Variants in SUMF1 observed in about 807,000 individuals in gnomAD.
SUMF1 encodes sulfatase modifying factor 1.
SUMF1 carries 48 observed loss-of-function variants against 47.6 expected under a neutral mutation model. The ratio of observed to expected loss-of-function variants is 1.01; its 90% CI spans 0.80 to 1.28. SUMF1 has a LOEUF of 1.28. Among genes scored for constraint, SUMF1 ranks in the 50% most tolerant of loss-of-function variants. The probability of loss-of-function intolerance (pLI) is 0.00; values close to 1 mark genes in which losing one functional copy is unlikely to be tolerated. For missense variants in SUMF1, 571 were observed against 485.4 expected, an observed-to-expected ratio of 1.18 and a Z score of -1.66; for synonymous variants, 230 against 192.1, an observed-to-expected ratio of 1.20 and a Z score of -1.63.
intron 8 of SUMF1, among the ~76,000 whole-genome samples, chr3:4,265,184 C>A (rs1328184842): frequency 1.4e-5 from 2 of 147,830 alleles, no homozygotes; most frequent in African/African-American, 5.0e-5. Flanking sequence ...CAAATATGTT[C>A]TATGCATCTG....
chr3:4,279,800 C>T (rs936457743), intron 8 of SUMF1, among the ~76,000 whole-genome samples: 1 of 152,054 alleles, frequency 6.6e-6, no homozygotes, highest in South Asian at 2.1e-4. Flanking sequence ...ATTTAGGGAA[C>T]CCATTTCCTA....
intron 8 of SUMF1, among the ~76,000 whole-genome samples, chr3:4,278,068 C>T (rs1697455276): frequency 6.6e-6 from 1 of 152,062 alleles, no homozygotes; most frequent in South Asian, 2.1e-4. Context: ...AGTATTTTAA[C>T]ATGTTAATTG....
intron 8 of SUMF1, among the ~76,000 whole-genome samples, chr3:4,210,447 A>G (rs900403333): frequency 6.6e-6 from 1 of 152,172 alleles, no homozygotes; most frequent in Non-Finnish European, 1.5e-5. Context: ...GAACAGAATA[A>G]AGACAGCCCA....
intron 8 of SUMF1, among the ~76,000 whole-genome samples, chr3:4,362,631 G>A (rs931054872): frequency 1.1e-4 from 16 of 152,284 alleles, no homozygotes; most frequent in African/African-American, 3.8e-4. Flanking sequence ...ATGATAAAAT[G>A]TTAAATGAGG....
In SUMF1 at chr3:4,353,314, G is replaced by A. The variant is rs189461024; in HGVS notation, c.1014+23016C>T. ...GTCGCCCAGGCTGGAGTACAGTGGC[G>A]TGATCTCCGCTCACTGCAAACTCCG... On this transcript the variant is annotated intron_variant and NMD_transcript_variant, in intron 8 of 12. Transcript: ENST00000448413. Among the ~76,000 whole-genome samples the A allele has an allele frequency of 4.6e-5, 7 of 152,266 alleles. No individual in the cohort carries two copies. In the East Asian group the frequency reaches 1.4e-3, roughly 29 times the overall value.
At chr3:4,332,704 T>C (rs1699073424) in intron 8 of SUMF1, among the ~76,000 whole-genome samples, 1 of 152,180 alleles carries the variant, frequency 6.6e-6, no homozygotes, top group Admixed American at 6.5e-5. Context: ...GATTACTGGC[T>C]TCATGGTGAT....
At chr3:4,247,222 C>G (rs1038187420) in intron 8 of SUMF1, among the ~76,000 whole-genome samples, 2 of 152,284 alleles carry the variant, frequency 1.3e-5, no homozygotes, top group East Asian at 3.9e-4. Flanking sequence ...ATTCACTATG[C>G]AACTTCCATT....
At chr3:4,285,557 CAACTTGTATGTAATATT>C (rs1252345260) in intron 8 of SUMF1, among the ~76,000 whole-genome samples, 1 of 152,134 alleles carries the variant, frequency 6.6e-6, no homozygotes, top group Admixed American at 6.5e-5. Context: ...TACATGAATA[CAACTTGTATGTAATATT>C]AACAATTCTT....
intron 7 of SUMF1, among the ~76,000 whole-genome samples, chr3:4,401,901 T>C (rs1701224142): frequency 6.6e-6 from 1 of 152,156 alleles, no homozygotes; most frequent in Non-Finnish European, 1.5e-5. Context: ...AAAAGCCCCT[T>C]TCTTGAGCAC....
chr3:4,438,914 A>G (rs550455300), intron 3 of SUMF1, among the ~76,000 whole-genome samples: 3 of 152,234 alleles, frequency 2.0e-5, no homozygotes, highest in African/African-American at 7.2e-5. Context: ...AGACAGCCCC[A>G]ACACATTTCA....
intron 8 of SUMF1, among the ~76,000 whole-genome samples, chr3:4,168,429 C>T (rs1694759835): frequency 6.6e-6 from 1 of 152,136 alleles, no homozygotes; most frequent in Non-Finnish European, 1.5e-5. Context: ...CTGCCATCTC[C>T]AGCTCCAGCT....
At position 4,361,823 on chromosome 3, in the gene SUMF1, T is replaced by G; in HGVS notation, c.*321A>C. On this transcript the variant is annotated 3_prime_UTR_variant, in exon 9 of 9. Coordinates refer to ENST00000272902, the MANE Select transcript of SUMF1 (RefSeq NM_182760.4). ...GGAAGGTCAAGCGTCGGACCTGGGG[T>G]CTAACCCCTGTGGCAGAGCCTGCGT... 1 of 369,510 alleles carries G rather than the reference T, an allele frequency of 2.7e-6. No individual in the cohort carries two copies. Among genetic ancestry groups the G allele is most frequent in the South Asian group, 2.5e-5 (1 of 39,694 alleles). The allele number at this position is 369,510 out of a possible 1,614,324, so 22.9% of individuals were successfully genotyped here.
intron 7 of SUMF1, among the ~76,000 whole-genome samples, chr3:4,397,922 G>A (rs1701088295): frequency 6.6e-6 from 1 of 152,026 alleles, no homozygotes; most frequent in Admixed American, 6.6e-5. Flanking sequence ...TTTACTACAT[G>A]ACAGCCTCTA....
chr3:4,108,424 A>G (rs913752519), intron 8 of SUMF1, among the ~76,000 whole-genome samples: 1 of 152,088 alleles, frequency 6.6e-6, no homozygotes, highest in Admixed American at 6.5e-5. Flanking sequence ...AGAGTTCTGT[A>G]TATGTCTATT....
intron 6 of SUMF1, among the ~76,000 whole-genome samples, chr3:4,415,860 G>A (rs535346057): frequency 6.6e-6 from 1 of 152,296 alleles, no homozygotes; most frequent in African/African-American, 2.4e-5. Flanking sequence ...AGGTTGAAGT[G>A]AGTGCTCTTT....
chr3:4,406,998 C>G (rs1701396123), intron 7 of SUMF1, among the ~76,000 whole-genome samples: 1 of 152,136 alleles, frequency 6.6e-6, no homozygotes, highest in Admixed American at 6.6e-5. Flanking sequence ...TAAGATACAT[C>G]ACAGCACTGG....
chr3:4,058,768 A>G (rs149778807), intron 9 of SUMF1, among the ~76,000 whole-genome samples: 2 of 152,304 alleles, frequency 1.3e-5, no homozygotes, highest in East Asian at 3.9e-4. Context: ...AAAGTTTTCA[A>G]TGAATATGCA....
At chr3:4,257,810 C>A (rs890520794) in intron 8 of SUMF1, among the ~76,000 whole-genome samples, 67 of 152,036 alleles carry the variant, frequency 4.4e-4, no homozygotes, top group African/African-American at 1.6e-3. Context: ...CCAAGTCAAT[C>A]CTAAGCCAAA....
intron 8 of SUMF1, among the ~76,000 whole-genome samples, chr3:4,078,742 T>TAA (rs111689411): frequency 6.8e-6 from 1 of 146,926 alleles, no homozygotes; most frequent in East Asian, 2.0e-4. Flanking sequence ...CCCCCATCTC[T>TAA]AAAAAAAAAA....
Sources: allele counts gnomAD v4.1 joint callset (sites outside exome capture counted in the v4.1 genomes callset), GRCh38; gene constraint gnomAD v4.1.1; transcripts MANE v1.5; gene names NCBI Gene and HGNC (gene_info 2026-07-23, HGNC 2026-07-21).